The following DENND2B variants were observed in gnomAD, a reference collection of about 807,000 sequenced individuals.
DENND2B encodes DENN domain containing 2B, also known as DENN domain-containing protein 2B.
DENND2B carries 32 observed loss-of-function variants against 116.0 expected under a neutral mutation model. The ratio of observed to expected loss-of-function variants is 0.28; its 90% confidence interval spans 0.21 to 0.37. The LOEUF (loss-of-function observed/expected upper bound fraction) is 0.37, where lower values mean the gene tolerates loss of function less well. Among genes scored for constraint, DENND2B ranks in the 10% least tolerant of loss-of-function variants. The pLI is 1.00. For synonymous variants in DENND2B, 588 were observed against 583.9 expected, an observed-to-expected ratio of 1.01 and a Z score of -0.10; for missense variants, 1,276 against 1,477.7, an observed-to-expected ratio of 0.86 and a Z score of 2.24.
At chr11:8,718,123 C>T in intron 4 of DENND2B, 1 of 372,880 alleles carries the variant, frequency 2.7e-6, no homozygotes. Context: ...AACCCCCCAC[C>T]CCCAGCCCAG....
chr11:8,860,024 G>C (rs2134674514), intron 2 of DENND2B, among the ~76,000 whole-genome samples: 1 of 152,166 alleles, frequency 6.6e-6, no homozygotes, highest in African/African-American at 2.4e-5. Context: ...AGAAAAACAG[G>C]AGCATCAAAA....
intron 6 of DENND2B, 148 bp from the exon 7 acceptor site, chr11:8,714,854 C>T (rs749678130): frequency 4.7e-6 from 3 of 644,574 alleles, no homozygotes; most frequent in Non-Finnish European, 8.0e-6. Flanking sequence ...AACTGCAGAA[C>T]CGACCTCAAG....
At chr11:8,876,805 G>A (rs1017406961) in intron 2 of DENND2B, among the ~76,000 whole-genome samples, 55 of 151,696 alleles carry the variant, frequency 3.6e-4, no homozygotes, top group African/African-American at 1.3e-3. Flanking sequence ...CTTGAACTCC[G>A]GAGGCAGAGG....
At chr11:8,715,844 GA>G (rs768639944) in intron 5 of DENND2B, 26 bp from the exon 6 acceptor site, 1 of 1,569,364 alleles carries the variant, frequency 6.4e-7, no homozygotes, top group South Asian at 1.2e-5. Context: ...GGACGTGCGA[GA>G]GGGGCTTGCC....
intron 1 of DENND2B, among the ~76,000 whole-genome samples, chr11:8,767,899 A>T (rs1237816078): frequency 1.3e-5 from 2 of 152,218 alleles, no homozygotes; most frequent in East Asian, 3.9e-4. Context: ...TACTATCACC[A>T]CTAGAGATCT....
chr11:8,835,459 T>C (rs150910956), intron 4 of DENND2B: 5 of 152,202 alleles, frequency 3.3e-5, no homozygotes, highest in Admixed American at 2.0e-4. Context: ...CCAGCTATGA[T>C]CAAAGCTAGC....
At chr11:8,713,443 G>C (rs1459238585) in intron 8 of DENND2B, among the ~76,000 whole-genome samples, 3 of 152,040 alleles carry the variant, frequency 2.0e-5, no homozygotes, top group African/African-American at 7.2e-5. Context: ...GCAGTGGCAT[G>C]ATCTCAGCTC....
chr11:8,789,215 T>C (rs935015106), intron 1 of DENND2B, among the ~76,000 whole-genome samples: 10 of 152,372 alleles, frequency 6.6e-5, no homozygotes, highest in African/African-American at 2.4e-4. Flanking sequence ...TAAAACAAGC[T>C]AGTTCATGTG....
At chr11:8,789,589 T>C (rs1034020384) in intron 1 of DENND2B, among the ~76,000 whole-genome samples, 1 of 152,156 alleles carries the variant, frequency 6.6e-6, no homozygotes, top group Non-Finnish European at 1.5e-5. Flanking sequence ...AACCTAAATC[T>C]AATCAGGTCT....
At chr11:8,767,193 T>C (rs2055981016) in intron 1 of DENND2B, among the ~76,000 whole-genome samples, 1 of 152,166 alleles carries the variant, frequency 6.6e-6, no homozygotes. Context: ...CAGTTTGGAC[T>C]GAGTCCTAAG....
intron 1 of DENND2B, among the ~76,000 whole-genome samples, chr11:8,778,159 G>C (rs751646627): frequency 6.6e-6 from 1 of 152,186 alleles, no homozygotes; most frequent in African/African-American, 2.4e-5. Flanking sequence ...AGAACAGAAG[G>C]AAAGAAGTTA....
At chr11:8,699,680 G>C (rs918693699) in intron 14 of DENND2B, among the ~76,000 whole-genome samples, 20 of 152,268 alleles carry the variant, frequency 1.3e-4, no homozygotes, top group Middle Eastern at 3.4e-3. Context: ...CTCGGGTTTG[G>C]GGGGCACATC....
At chr11:8,882,834 A>G (rs902850387) in intron 1 of DENND2B, among the ~76,000 whole-genome samples, 2 of 152,126 alleles carry the variant, frequency 1.3e-5, no homozygotes, top group Admixed American at 6.5e-5. Context: ...GAAAAAATAC[A>G]AAAATTAGCC....
chr11:8,709,410 C>T (rs1474342627), intron 11 of DENND2B, among the ~76,000 whole-genome samples: 5 of 152,206 alleles, frequency 3.3e-5, no homozygotes, highest in Non-Finnish European at 5.9e-5. Flanking sequence ...AGGACAAACA[C>T]GCTCTTCCCT....
chr11:8,742,687 G>C (rs2050427966), intron 2 of DENND2B, among the ~76,000 whole-genome samples: 1 of 152,204 alleles, frequency 6.6e-6, no homozygotes, highest in East Asian at 1.9e-4. Context: ...AAAATTTAAA[G>C]GAATCACAAA....
intron 1 of DENND2B, among the ~76,000 whole-genome samples, chr11:8,902,574 C>G (rs1047709592): frequency 6.6e-6 from 1 of 152,144 alleles, no homozygotes; most frequent in African/African-American, 2.4e-5. Flanking sequence ...AATACATTTA[C>G]TTCAGCAATC....
In DENND2B at chr11:8,693,599, G is replaced by C. The variant is rs2039796090; in HGVS notation, c.*497C>G. 6.5e-6 allele frequency: 1 copy of C among 153,732 alleles called. No individual in the cohort carries two copies. Among genetic ancestry groups the C allele is most frequent in the South Asian group, 2.0e-4 (1 of 4,960 alleles). The allele number at this position is 153,732 out of a possible 1,614,324, so 9.5% of individuals were successfully genotyped here. A position where few individuals can be genotyped will look rare whatever the true frequency, so the allele number is the denominator to read the frequency against. Reference sequence around the variant, plus strand: ...TTGGCCTTTGCCTTTCAAAAACAGAGGGTATGGGTATGCGGACTACCAGCA... The same window carrying C: ...TTGGCCTTTGCCTTTCAAAAACAGACGGTATGGGTATGCGGACTACCAGCA... On this transcript the variant is annotated 3_prime_UTR_variant, in exon 20 of 20. Coordinates refer to ENST00000313726, the MANE Select transcript of DENND2B (RefSeq NM_213618.2).
At chr11:8,792,999 T>C (rs2059517399) in intron 1 of DENND2B, among the ~76,000 whole-genome samples, 3 of 152,224 alleles carry the variant, frequency 2.0e-5, no homozygotes, top group African/African-American at 7.2e-5. Flanking sequence ...ATTACAGTAC[T>C]GCATATAACA....
chr11:8,715,656 G>T lies in DENND2B; in HGVS notation c.1792C>A (p.Leu598Ile). The T allele has an allele frequency of 6.2e-7, 1 of 1,614,114 alleles. No individual in the cohort carries two copies. The highest frequency in any genetic ancestry group is 8.5e-7 in the Non-Finnish European group (1 of 1,179,980). ...SSPSSLNEDS[L>I]STTSELLSSR... ...GACAGCAGCTCGCTGGTGGTGCTGA[G>T]GCTGTCTTCATTGAGGCTGGAGGGT... The change falls in exon 6 of 20, where the codon CTC becomes ATC. Residue 598 changes from leucine (L) to isoleucine (I), a missense_variant. Leu to Ile is a conservative substitution (Grantham distance 5). This residue lies in a region of DENND2B where 856 missense variants were observed against 846.6 expected (regional missense o/e 1.01). Coordinates refer to ENST00000313726, the MANE Select transcript of DENND2B (RefSeq NM_213618.2).
Sources: allele counts gnomAD v4.1 joint callset (sites outside exome capture counted in the v4.1 genomes callset), GRCh38; gene constraint gnomAD v4.1.1; regional missense constraint gnomAD v4.1.1; transcripts MANE v1.5; gene names NCBI Gene and HGNC (gene_info 2026-07-23, HGNC 2026-07-21).